AUTS2: variants seen among roughly 807,000 people sequenced by gnomAD.
The protein encoded by AUTS2 is autism susceptibility gene 2 protein.
AUTS2 carries 17 observed loss-of-function variants against 112.4 expected under a neutral mutation model. That is an observed-to-expected ratio of 0.15 (90% confidence interval 0.10 to 0.23). AUTS2 has a LOEUF of 0.23. Ranked by LOEUF, AUTS2 falls within the 10% of genes least tolerant of loss-of-function variation. AUTS2 has a pLI of 1.00. For synonymous variants in AUTS2, 751 were observed against 702.7 expected (o/e 1.07, Z -1.09); for missense variants, 1,510 against 1,701.6 (o/e 0.89, Z 1.98).
intron 1 of AUTS2, among the ~76,000 whole-genome samples, chr7:69,684,966 G>A (rs1033368907): frequency 2.0e-5 from 3 of 152,138 alleles, no homozygotes; most frequent in African/African-American, 4.8e-5. Context: ...CATTGATTAC[G>A]TGCCTGGTGT....
intron 1 of AUTS2, among the ~76,000 whole-genome samples, chr7:69,657,483 C>T (rs776789921): frequency 2.0e-5 from 3 of 152,194 alleles, no homozygotes; most frequent in East Asian, 1.9e-4. Flanking sequence ...CCTTAAGAGT[C>T]GCAGTCAGCT....
chr7:70,307,956 A>C (rs1789562138), intron 4 of AUTS2, among the ~76,000 whole-genome samples: 1 of 152,202 alleles, frequency 6.6e-6, no homozygotes, highest in Non-Finnish European at 1.5e-5. Context: ...AAACAACATA[A>C]CCTGTTGAAT....
At chr7:69,651,868 T>C (rs971236508) in intron 1 of AUTS2, among the ~76,000 whole-genome samples, 1 of 152,218 alleles carries the variant, frequency 6.6e-6, no homozygotes, top group Admixed American at 6.5e-5. Context: ...CCCACACATA[T>C]TTGTTGCCAG....
At chr7:70,688,819 A>T (rs1279130691) in intron 5 of AUTS2, among the ~76,000 whole-genome samples, 1 of 152,226 alleles carries the variant, frequency 6.6e-6, no homozygotes, top group Non-Finnish European at 1.5e-5. Context: ...GCAAGACGCC[A>T]TCTCAACAAA....
intron 4 of AUTS2, among the ~76,000 whole-genome samples, chr7:70,211,891 C>T (rs1427980986): frequency 6.6e-6 from 1 of 151,898 alleles, no homozygotes. Flanking sequence ...GCGGCTGAGG[C>T]AGGAGAATGG....
intron 4 of AUTS2, among the ~76,000 whole-genome samples, chr7:70,217,968 C>T (rs1811261562): frequency 6.6e-6 from 1 of 151,986 alleles, no homozygotes; most frequent in African/African-American, 2.4e-5. Context: ...TTACCAGAAC[C>T]CTAACTGATA....
intron 1 of AUTS2, among the ~76,000 whole-genome samples, chr7:69,709,826 C>T (rs1158232035): frequency 6.6e-6 from 1 of 152,170 alleles, no homozygotes; most frequent in Non-Finnish European, 1.5e-5. Flanking sequence ...TCTCAGATAA[C>T]TCTTGCTACC....
intron 1 of AUTS2, among the ~76,000 whole-genome samples, chr7:69,870,503 T>C (rs1343754852): frequency 7.2e-6 from 1 of 138,210 alleles, no homozygotes; most frequent in Non-Finnish European, 1.6e-5. Context: ...CACAGACATA[T>C]GTAAGTACCA....
At chr7:70,040,188 C>T (rs565161998) in intron 2 of AUTS2, among the ~76,000 whole-genome samples, 7 of 152,152 alleles carry the variant, frequency 4.6e-5, no homozygotes, top group Admixed American at 1.3e-4. Flanking sequence ...CAAGAGTAAA[C>T]CCTAATGTAA....
chr7:69,890,186 C>A (rs779424240), intron 1 of AUTS2, among the ~76,000 whole-genome samples: 2 of 152,084 alleles, frequency 1.3e-5, no homozygotes, highest in African/African-American at 4.8e-5. Context: ...TAAGGTCTAA[C>A]GGCAGCCAAC....
intron 6 of AUTS2, among the ~76,000 whole-genome samples, chr7:70,716,568 C>G (rs938628422): frequency 1.5e-5 from 2 of 133,780 alleles, no homozygotes; most frequent in African/African-American, 5.7e-5. Flanking sequence ...GGCCGGGAGG[C>G]AGAGCTTGCA....
chr7:70,632,497 T>C (rs1805314114), intron 5 of AUTS2, among the ~76,000 whole-genome samples: 1 of 151,784 alleles, frequency 6.6e-6, no homozygotes, highest in Non-Finnish European at 1.5e-5. Flanking sequence ...TCTGCTCTCT[T>C]CTCTGCTTGT....
At chr7:69,865,614 G>A (rs1264885590) in intron 1 of AUTS2, among the ~76,000 whole-genome samples, 1 of 152,112 alleles carries the variant, frequency 6.6e-6, no homozygotes, top group Non-Finnish European at 1.5e-5. Context: ...TTTTCTTTCT[G>A]CGACATCACA....
chr7:70,540,544 TG>T (rs1415056031), intron 5 of AUTS2, among the ~76,000 whole-genome samples: 1 of 152,156 alleles, frequency 6.6e-6, no homozygotes, highest in East Asian at 1.9e-4. Context: ...CAGGGCTCCT[TG>T]GTGCAGGAGC....
chr7:70,091,801 A>G (rs551020392), intron 2 of AUTS2, among the ~76,000 whole-genome samples: 12 of 152,156 alleles, frequency 7.9e-5, no homozygotes, highest in East Asian at 3.9e-4. Flanking sequence ...AGTTCTGTCT[A>G]CATCTTTCCA....
intron 1 of AUTS2, among the ~76,000 whole-genome samples, chr7:69,773,756 G>A (rs1788773737): frequency 6.6e-6 from 1 of 152,186 alleles, no homozygotes; most frequent in African/African-American, 2.4e-5. Context: ...GAACTAGTTA[G>A]TACTCCATGG....
intron 4 of AUTS2, among the ~76,000 whole-genome samples, chr7:70,376,326 A>G (rs1325074960): frequency 6.6e-6 from 1 of 152,096 alleles, no homozygotes; most frequent in African/African-American, 2.4e-5. Context: ...GATAGCACAT[A>G]TTTTAGCCTT....
chr7:69,792,009 G>A (rs1355436676), intron 1 of AUTS2, among the ~76,000 whole-genome samples: 1 of 152,092 alleles, frequency 6.6e-6, no homozygotes, highest in Non-Finnish European at 1.5e-5. Flanking sequence ...CTGTCGATAG[G>A]CATTCCTGCA....
At chr7:69,762,732 A>G (rs1273078281) in intron 1 of AUTS2, among the ~76,000 whole-genome samples, 3 of 152,130 alleles carry the variant, frequency 2.0e-5, no homozygotes, top group Admixed American at 6.5e-5. Context: ...TAAAAAGTTC[A>G]TATTTCGACT....
Sources: gnomAD v4.1 joint callset for allele counts (sites outside exome capture counted in the v4.1 genomes callset) on GRCh38, gnomAD v4.1.1 for gene constraint, MANE v1.5 for transcripts, NCBI Gene and HGNC (gene_info 2026-07-23, HGNC 2026-07-21) for gene names.